FRMD4B: variants seen among roughly 807,000 people sequenced by gnomAD.
The protein encoded by FRMD4B is FERM domain containing 4B, also known as FERM domain-containing protein 4B.
In FRMD4B, 74 loss-of-function variants were observed where a neutral mutation model predicts 141.5. The ratio of observed to expected loss-of-function variants is 0.52; its 90% confidence interval spans 0.43 to 0.63. FRMD4B has a LOEUF of 0.63. Among genes scored for constraint, FRMD4B ranks in the 30% least tolerant of loss-of-function variants. The pLI, the probability that FRMD4B is intolerant of heterozygous loss-of-function variation, is 0.00. For missense variants in FRMD4B, 1,366 were observed against 1,253.4 expected (o/e 1.09, Z -1.36); for synonymous variants, 506 against 467.9 (o/e 1.08, Z -1.05).
At chr3:69,454,766 C>T (rs1705561022) in intron 1 of FRMD4B, among the ~76,000 whole-genome samples, 1 of 152,252 alleles carries the variant, frequency 6.6e-6, no homozygotes, top group East Asian at 1.9e-4. Flanking sequence ...CCACCCCCTG[C>T]TCCGTGGCAC....
At position 69,181,095 on chromosome 3, in the gene FRMD4B, G is replaced by A. The variant is rs1346870316; in HGVS notation, c.2655C>T (p.His885=). The change falls in exon 21 of 23, where the codon CAC becomes CAT. Residue 885 remains histidine (H), a synonymous_variant. Coordinates refer to ENST00000398540, the MANE Select transcript of FRMD4B (RefSeq NM_015123.3). ...AGGCCTTGTGGATGTTTTTGGTGATGTGCTCCGATTTTGCAGCAGCCTTCC... is the reference window on the plus strand; with the variant it reads ...AGGCCTTGTGGATGTTTTTGGTGATATGCTCCGATTTTGCAGCAGCCTTCC... ...LPRKAAAKSE[H]ITKNIHKALV... is the part of the protein sequence containing the mutation. 1.2e-6 allele frequency: 2 copies of A among 1,613,992 alleles called. No homozygotes were observed. The highest frequency in any genetic ancestry group is 1.7e-5 in the Admixed American group (1 of 60,020).
chr3:69,339,764 C>G (rs1165013893), intron 1 of FRMD4B, among the ~76,000 whole-genome samples: 2 of 152,170 alleles, frequency 1.3e-5, no homozygotes, highest in Non-Finnish European at 2.9e-5. Context: ...AGGCTGCTCT[C>G]CATATCCACA....
intron 1 of FRMD4B, among the ~76,000 whole-genome samples, chr3:69,344,726 G>T (rs893992230): frequency 2.6e-5 from 4 of 152,128 alleles, no homozygotes; most frequent in African/African-American, 7.2e-5. Context: ...CCTCCTGACT[G>T]GAAAACCTGA....
chr3:69,304,729 T>A (rs1701338364), intron 3 of FRMD4B, among the ~76,000 whole-genome samples: 2 of 152,114 alleles, frequency 1.3e-5, no homozygotes. Flanking sequence ...GTCCATCCAT[T>A]TTAGGCTGTA....
chr3:69,455,089 T>G (rs1009956788), intron 1 of FRMD4B, among the ~76,000 whole-genome samples: 10 of 152,284 alleles, frequency 6.6e-5, no homozygotes, highest in African/African-American at 2.4e-4. Context: ...TGTGTCTAGC[T>G]CAGGGATTGT....
At chr3:69,473,706 T>A (rs1705933063) in intron 1 of FRMD4B, among the ~76,000 whole-genome samples, 1 of 152,166 alleles carries the variant, frequency 6.6e-6, no homozygotes, top group Non-Finnish European at 1.5e-5. Flanking sequence ...AATAATGAGT[T>A]TAATACAACT....
intron 1 of FRMD4B, among the ~76,000 whole-genome samples, chr3:69,349,606 G>C (rs1235732302): frequency 2.0e-5 from 3 of 151,990 alleles, no homozygotes; most frequent in African/African-American, 7.3e-5. Flanking sequence ...AAAAAGCATG[G>C]TACTGGTACC....
chr3:69,222,143 C>A (rs1361615096), intron 8 of FRMD4B, among the ~76,000 whole-genome samples: 1 of 151,852 alleles, frequency 6.6e-6, no homozygotes, highest in Non-Finnish European at 1.5e-5. Context: ...TTTTATGTAG[C>A]ATATTTATAT....
chr3:69,410,014 G>A (rs193046176), intron 2 of FRMD4B, among the ~76,000 whole-genome samples: 1 of 152,132 alleles, frequency 6.6e-6, no homozygotes, highest in East Asian at 1.9e-4. Context: ...AGGATCCTCA[G>A]AACCCCCAGC....
intron 7 of FRMD4B, among the ~76,000 whole-genome samples, chr3:69,226,864 G>T (rs988320377): frequency 3.9e-5 from 6 of 152,306 alleles, no homozygotes; most frequent in African/African-American, 1.4e-4. Flanking sequence ...TAAGCTCATG[G>T]TTGAGAGTAA....
intron 22 of FRMD4B, among the ~76,000 whole-genome samples, chr3:69,175,349 C>T (rs1419646625): frequency 6.6e-6 from 1 of 152,180 alleles, no homozygotes; most frequent in African/African-American, 2.4e-5. Context: ...AACTTAATTC[C>T]TGTGCATAAC....
At chr3:69,409,139 C>T (rs1275747738) in intron 2 of FRMD4B, among the ~76,000 whole-genome samples, 1 of 152,142 alleles carries the variant, frequency 6.6e-6, no homozygotes, top group African/African-American at 2.4e-5. Context: ...TACTCAGTCT[C>T]AGCAGAAAAC....
At chr3:69,228,682 T>TA (rs2093277453) in intron 7 of FRMD4B, 2 of 332,796 alleles carry the variant, frequency 6.0e-6, no homozygotes, top group Non-Finnish European at 1.2e-5. Flanking sequence ...AAGAAATTTT[T>TA]AAAAAATTAG....
At chr3:69,502,513 C>A (rs1198062854) in intron 1 of FRMD4B, among the ~76,000 whole-genome samples, 1 of 152,100 alleles carries the variant, frequency 6.6e-6, no homozygotes, top group African/African-American at 2.4e-5. Context: ...CTTTCTTACA[C>A]CTTATACAAA....
chr3:69,531,220 T>G (rs1220146669), intron 1 of FRMD4B, among the ~76,000 whole-genome samples: 2 of 152,152 alleles, frequency 1.3e-5, no homozygotes. Context: ...AGGAGCTATA[T>G]TATTAGTAAT....
At chr3:69,460,651 C>A (rs1310181372) in intron 1 of FRMD4B, among the ~76,000 whole-genome samples, 2 of 152,168 alleles carry the variant, frequency 1.3e-5, no homozygotes, top group Non-Finnish European at 2.9e-5. Flanking sequence ...TCTGTCACAA[C>A]TACTCAGACT....
At chr3:69,420,455 G>A (rs961019696) in intron 2 of FRMD4B, among the ~76,000 whole-genome samples, 2 of 152,114 alleles carry the variant, frequency 1.3e-5, no homozygotes, top group African/African-American at 4.8e-5. Flanking sequence ...TTCAGGCTCA[G>A]GAGGTTAAGT....
chr3:69,403,281 G>A lies in FRMD4B; in HGVS notation c.-1+29353C>T, dbSNP rs577141593. 6.9e-4 allele frequency among the ~76,000 whole-genome samples: 105 copies of A among 152,262 alleles called. 1 individual carries two copies. The South Asian group carries it at 0.022, about 32-fold the overall frequency. On this transcript the variant is annotated intron_variant, in intron 2 of 5. Coordinates refer to the FRMD4B transcript ENST00000459638. ...AAGCTATGTGCAGGCATTGACTTAT[G>A]GGGTTTCACACCCACCAAGCCATGT...
At chr3:69,372,590 G>C (rs7643518) in intron 1 of FRMD4B, among the ~76,000 whole-genome samples, 73,712 of 152,016 alleles carry the variant, frequency 0.48, 18,699 homozygotes, top group South Asian at 0.67. Flanking sequence ...ACCGGAACCT[G>C]GGAGGTGGAG....
Sources: allele counts gnomAD v4.1 joint callset (sites outside exome capture counted in the v4.1 genomes callset), GRCh38; gene constraint gnomAD v4.1.1; transcripts MANE v1.5; gene names NCBI Gene and HGNC (gene_info 2026-07-23, HGNC 2026-07-21).